The following TMEM63C variants were observed in gnomAD, a reference collection of about 807,000 sequenced individuals.
TMEM63C encodes osmosensitive cation channel TMEM63C.
TMEM63C carries 32 observed loss-of-function variants against 99.2 expected under a neutral mutation model. The observed-to-expected ratio is 0.32, with a 90% CI of 0.24 to 0.43. TMEM63C has a LOEUF of 0.43. Ranked by LOEUF, TMEM63C falls within the 20% of genes least tolerant of loss-of-function variation. The pLI is 1.00. For missense variants in TMEM63C, 826 were observed against 1,053.0 expected, an observed-to-expected ratio of 0.78 and a Z score of 2.98; for synonymous variants, 376 against 397.9, an observed-to-expected ratio of 0.94 and a Z score of 0.66.
Position 77,239,416 on chromosome 14 carries a change from G to T in TMEM63C, c.730G>T (p.Ala244Ser). 6.2e-7 allele frequency: 1 copy of T among 1,613,590 alleles called. No homozygotes were observed. Among genetic ancestry groups the T allele is most frequent in the Non-Finnish European group, 8.5e-7 (1 of 1,179,852 alleles). Residue 244 changes from alanine to serine, a missense_variant, in exon 11 of 24, where the codon GCC becomes TCC. Transcript: ENST00000298351. The part of the protein sequence containing the change: ...PELIIKHFHE[A>S]YPGSVVTRVH... ...CACCCATGTTTGTGGCTGCAGCGAG[G>T]CCTATCCAGGCAGTGTCGTGACAAG...
chr14:77,196,443 C>A (rs1761187588), intron 1 of TMEM63C, among the ~76,000 whole-genome samples: 1 of 152,336 alleles, frequency 6.6e-6, no homozygotes, highest in African/African-American at 2.4e-5. Flanking sequence ...GGGCGCTGTC[C>A]CAGGTGACCC....
Position 77,248,774 on chromosome 14 carries a change from C to G in TMEM63C, c.1772C>G (p.Ala591Gly), listed in dbSNP as rs1378249257. Reference sequence around the variant, plus strand: ...ACCTGCCTTCTGCCCCAGAACCAGGCCATAGACTTCCAGTTTGGGCGTGAG... The same window carrying G: ...ACCTGCCTTCTGCCCCAGAACCAGGGCATAGACTTCCAGTTTGGGCGTGAG... ...PERVNIRKNQ[A>G]IDFQFGREYA... The change falls in exon 20 of 24, where the codon GCC (alanine) becomes GGC (glycine). Residue 591 changes from alanine to glycine, a missense_variant. Coordinates refer to ENST00000298351, the MANE Select transcript of TMEM63C (RefSeq NM_020431.4). The G allele has an allele frequency of 1.2e-6, 2 of 1,614,008 alleles. No individual in the cohort carries two copies. The highest frequency in any genetic ancestry group is 4.5e-5 in the East Asian group (2 of 44,888).
At chr14:77,215,612 A>AG (rs1207910299) in intron 2 of TMEM63C, among the ~76,000 whole-genome samples, 2 of 143,088 alleles carry the variant, frequency 1.4e-5, no homozygotes, top group Non-Finnish European at 3.0e-5. Context: ...AAAAAAAAAA[A>AG]AAAAAAGAAA....
chr14:77,232,837 T>A (rs1888969155), intron 7 of TMEM63C, among the ~76,000 whole-genome samples: 1 of 152,252 alleles, frequency 6.6e-6, no homozygotes, highest in South Asian at 2.1e-4. Context: ...AGCTTTCCCC[T>A]GATTCCTCAG....
chr14:77,228,404 C>CATTCTGGG (rs1888872125), intron 6 of TMEM63C, among the ~76,000 whole-genome samples: 2 of 152,014 alleles, frequency 1.3e-5, no homozygotes, highest in Non-Finnish European at 2.9e-5. Flanking sequence ...CCACTTCTGG[C>CATTCTGGG]ATTTCATTCT....
intron 1 of TMEM63C, among the ~76,000 whole-genome samples, chr14:77,202,825 GCACACACACACACACACACA>G (rs60544528): frequency 0.037 from 5,280 of 141,086 alleles, 166 homozygotes; most frequent in African/African-American, 0.088. Context: ...ACAGGCAGGC[GCACACACACACACACACACA>G]CACACACACA....
At chr14:77,200,777 C>T (rs1888286292) in intron 1 of TMEM63C, among the ~76,000 whole-genome samples, 1 of 152,204 alleles carries the variant, frequency 6.6e-6, no homozygotes, top group African/African-American at 2.4e-5. Flanking sequence ...GCCCTGTCCT[C>T]CACATGGTAG....
intron 5 of TMEM63C, among the ~76,000 whole-genome samples, chr14:77,220,397 G>A (rs1008387053): frequency 9.2e-5 from 14 of 152,048 alleles, no homozygotes; most frequent in African/African-American, 2.4e-4. Context: ...TCACAGTCCC[G>A]TCCTGCCCAC....
intron 1 of TMEM63C, among the ~76,000 whole-genome samples, chr14:77,191,786 CGCCT>C (rs1888115800): frequency 1.3e-5 from 2 of 152,048 alleles, no homozygotes; most frequent in Admixed American, 1.3e-4. Context: ...TCAGGTGATC[CGCCT>C]GCCTCGGCCT....
At chr14:77,244,610 C>G (rs1889237585) in intron 16 of TMEM63C, among the ~76,000 whole-genome samples, 155 bp downstream of exon 16, 1 of 152,232 alleles carries the variant, frequency 6.6e-6, no homozygotes, top group South Asian at 2.1e-4. Flanking sequence ...CCCCAAAGAC[C>G]AACAGGTGTT....
chr14:77,239,580 C>T, intron 11 of TMEM63C, 23 bp from the exon 12 acceptor site: 1 of 1,613,170 alleles, frequency 6.2e-7, no homozygotes, highest in Non-Finnish European at 8.5e-7. Context: ...GCAGGTCCTT[C>T]TCCTGTTGCC....
At chr14:77,182,124 C>T (rs1040436521) in intron 1 of TMEM63C, among the ~76,000 whole-genome samples, 2 of 152,102 alleles carry the variant, frequency 1.3e-5, no homozygotes, top group Non-Finnish European at 2.9e-5. Context: ...GCCGCCCACC[C>T]GGGAGGGCGT....
rs199669374 is a variant in TMEM63C at position 77,258,213 on chromosome 14, C to G, written c.*1487C>G. 6.6e-6 allele frequency: 1 copy of G among 152,422 alleles called. No homozygotes were observed. Among genetic ancestry groups the G allele is most frequent in the Non-Finnish European group, 1.5e-5 (1 of 68,316 alleles). The allele number at this position is 152,422 out of a possible 1,614,324, so 9.4% of individuals were successfully genotyped here. A position where few individuals can be genotyped will look rare whatever the true frequency, so the allele number is the denominator to read the frequency against. On this transcript the variant is annotated 3_prime_UTR_variant, in exon 24 of 24. Coordinates refer to ENST00000298351, the MANE Select transcript of TMEM63C (RefSeq NM_020431.4). ...CAGGGCCCTCTTCAGCCCCCTCCCC[C>G]AAAGGTCTGGGTCCCTGCCACCAAC...
intron 16 of TMEM63C, among the ~76,000 whole-genome samples, chr14:77,245,212 A>G (rs1447373063): frequency 6.6e-6 from 1 of 152,226 alleles, no homozygotes; most frequent in South Asian, 2.1e-4. Context: ...TCTTTAACAC[A>G]GAGACATCAA....
At chr14:77,186,707 TA>T (rs966623119) in intron 1 of TMEM63C, among the ~76,000 whole-genome samples, 4 of 150,206 alleles carry the variant, frequency 2.7e-5, no homozygotes, top group African/African-American at 9.9e-5. Flanking sequence ...CAAAACAAAA[TA>T]AAAAATCAAA....
chr14:77,200,796 T>C (rs534216155), intron 1 of TMEM63C, among the ~76,000 whole-genome samples: 1 of 152,312 alleles, frequency 6.6e-6, no homozygotes, highest in East Asian at 1.9e-4. Flanking sequence ...AGGAGGCCCA[T>C]GTGTCCTCAG....
At chr14:77,245,731 C>T (rs1484292337) in intron 16 of TMEM63C, among the ~76,000 whole-genome samples, 7 of 152,188 alleles carry the variant, frequency 4.6e-5, no homozygotes. Flanking sequence ...ATGAGAACGG[C>T]ATGGGAAAGA....
At chr14:77,193,572 C>T (rs965918038) in intron 1 of TMEM63C, among the ~76,000 whole-genome samples, 11 of 151,950 alleles carry the variant, frequency 7.2e-5, no homozygotes, top group African/African-American at 1.2e-4. Context: ...AGGTGGCTCA[C>T]GCCTGTAATC....
At chr14:77,225,353 C>A in intron 5 of TMEM63C, 71 bp from the exon 6 acceptor site, 1 of 1,514,900 alleles carries the variant, frequency 6.6e-7, no homozygotes. Flanking sequence ...ACCTGGCCGC[C>A]TGGGTTCCCA....
Sources: gnomAD v4.1 joint callset for allele counts (sites outside exome capture counted in the v4.1 genomes callset) on GRCh38, gnomAD v4.1.1 for gene constraint, MANE v1.5 for transcripts, NCBI Gene and HGNC (gene_info 2026-07-23, HGNC 2026-07-21) for gene names.